ADGRL3: variants seen among roughly 807,000 people sequenced by gnomAD.
The protein encoded by ADGRL3 is adhesion G protein-coupled receptor L3.
ADGRL3 carries 62 observed loss-of-function variants against 153.5 expected under a neutral mutation model. The observed-to-expected ratio is 0.40, with a 90% CI of 0.33 to 0.50. ADGRL3 has a LOEUF of 0.50. Ranked by LOEUF, ADGRL3 falls within the 20% of genes least tolerant of loss-of-function variation. The pLI is 0.47. For missense variants in ADGRL3, 1,641 were observed against 1,859.4 expected, an observed-to-expected ratio of 0.88 and a Z score of 2.16; for synonymous variants, 710 against 672.5, an observed-to-expected ratio of 1.06 and a Z score of -0.86.
chr4:61,278,185 T>C (rs2093563751), intron 1 of ADGRL3, among the ~76,000 whole-genome samples: 1 of 152,184 alleles, frequency 6.6e-6, no homozygotes, highest in Non-Finnish European at 1.5e-5. Context: ...TGGCTGCCTA[T>C]AGTTATGTCA....
intron 1 of ADGRL3, among the ~76,000 whole-genome samples, chr4:61,279,343 G>A (rs1179356109): frequency 6.6e-6 from 1 of 152,100 alleles, no homozygotes; most frequent in African/African-American, 2.4e-5. Context: ...TACTAGTTTA[G>A]GTGAATGCTA....
intron 8 of ADGRL3, among the ~76,000 whole-genome samples, chr4:61,748,852 T>C (rs917312994): frequency 1.1e-4 from 16 of 151,350 alleles, no homozygotes; most frequent in Admixed American, 6.6e-4. Context: ...AAGCCAAAAT[T>C]GACAAATGGG....
intron 5 of ADGRL3, among the ~76,000 whole-genome samples, chr4:61,645,904 C>A (rs1484699769): frequency 6.6e-6 from 1 of 152,186 alleles, no homozygotes; most frequent in African/African-American, 2.4e-5. Context: ...TCCATTCTCC[C>A]CATCACTTTC....
intron 9 of ADGRL3, among the ~76,000 whole-genome samples, chr4:61,863,231 C>CTTTTTTTT (rs1189171329): frequency 2.3e-4 from 19 of 80,894 alleles, no homozygotes; most frequent in African/African-American, 4.5e-4. Flanking sequence ...GGGCATCATT[C>CTTTTTTTT]TTTTTTTTTT....
chr4:61,662,835 G>A (rs2094648282), intron 5 of ADGRL3, among the ~76,000 whole-genome samples: 1 of 152,166 alleles, frequency 6.6e-6, no homozygotes, highest in South Asian at 2.1e-4. Flanking sequence ...ACGATGGAAT[G>A]ACCTGCCTGT....
chr4:62,006,680 T>C (rs920165351), intron 21 of ADGRL3, among the ~76,000 whole-genome samples: 19 of 151,970 alleles, frequency 1.3e-4, no homozygotes, highest in African/African-American at 4.3e-4. Context: ...CAAATTATCC[T>C]GGTTTTCTAA....
At chr4:61,770,781 C>T (rs1234050437) in intron 8 of ADGRL3, among the ~76,000 whole-genome samples, 1 of 152,206 alleles carries the variant, frequency 6.6e-6, no homozygotes, top group Non-Finnish European at 1.5e-5. Context: ...TTTGCTACTT[C>T]ATATCGGAGA....
chr4:61,863,874 G>A lies in ADGRL3; in HGVS notation c.1481-28782G>A, dbSNP rs556266687. The stretch of plus-strand genomic sequence containing the variant: ...TCTTAGCAAAAGCTGATTTTTCAAA[G>A]GATATTTTAAGTATGCTCAATCAGG... On this transcript the variant is annotated intron_variant, in intron 9 of 26. Coordinates refer to ENST00000683033, the MANE Select transcript of ADGRL3 (RefSeq NM_001387552.1). Among the ~76,000 whole-genome samples the A allele has an allele frequency of 2.6e-4, 40 of 152,266 alleles. No homozygotes were observed. The East Asian group carries it at 7.4e-3, about 28-fold the overall frequency.
At chr4:61,469,533 G>C (rs1322655180) in intron 2 of ADGRL3, among the ~76,000 whole-genome samples, 1 of 151,966 alleles carries the variant, frequency 6.6e-6, no homozygotes, top group Non-Finnish European at 1.5e-5. Context: ...ATTCAAGTCT[G>C]TGTTTCCAGT....
intron 1 of ADGRL3, among the ~76,000 whole-genome samples, chr4:61,359,404 G>A (rs1483640209): frequency 6.6e-6 from 1 of 152,062 alleles, no homozygotes; most frequent in African/African-American, 2.4e-5. Flanking sequence ...CCAGAATTAG[G>A]ATTTAGCCCC....
chr4:61,828,789 A>G (rs185968233), intron 9 of ADGRL3, among the ~76,000 whole-genome samples: 2 of 152,328 alleles, frequency 1.3e-5, no homozygotes, highest in Admixed American at 1.3e-4. Context: ...ACGATGGCCT[A>G]CACTCACGCA....
chr4:61,629,082 A>G (rs907117085), intron 5 of ADGRL3, among the ~76,000 whole-genome samples: 5 of 152,192 alleles, frequency 3.3e-5, no homozygotes, highest in Admixed American at 3.3e-4. Flanking sequence ...TGCTTTGCAG[A>G]GAAGCAGGGT....
intron 1 of ADGRL3, among the ~76,000 whole-genome samples, chr4:61,225,628 C>A (rs1267425254): frequency 6.6e-6 from 1 of 152,146 alleles, no homozygotes; most frequent in Non-Finnish European, 1.5e-5. Flanking sequence ...CTTTGTTATT[C>A]ACTTTAGCAA....
chr4:62,028,798 C>G, intron 21 of ADGRL3, 57 bp from the exon 22 acceptor site: 1 of 1,447,050 alleles, frequency 6.9e-7, no homozygotes, highest in Non-Finnish European at 9.5e-7. Flanking sequence ...ATATGAAATT[C>G]TTTGTCATAA....
At chr4:61,403,871 T>TCC (rs1360112735) in intron 2 of ADGRL3, among the ~76,000 whole-genome samples, 3 of 151,906 alleles carry the variant, frequency 2.0e-5, no homozygotes, top group African/African-American at 7.2e-5. Context: ...GTGAGCAAAA[T>TCC]CCCCACACAT....
At chr4:61,751,827 A>G (rs572938233) in intron 8 of ADGRL3, among the ~76,000 whole-genome samples, 2 of 152,262 alleles carry the variant, frequency 1.3e-5, no homozygotes, top group East Asian at 1.9e-4. Context: ...TATGAGCAGG[A>G]TTGACAAAAT....
Position 62,044,457 on chromosome 4 carries a change from G to A in ADGRL3, c.3722G>A (p.Arg1241Gln), listed in dbSNP as rs143689172. ...TCTGCCTTTTCCCCCACCCAGAGCC[G>A]AATCCGTAGAATGTGGAATGACACG... ...PGRYSTGSQS[R>Q]IRRMWNDTVR... The change falls in exon 25 of 27, where the codon CGA (arginine) becomes CAA (glutamine). Residue 1241 changes from arginine to glutamine, a missense_variant. Physicochemically the swap from Arg to Gln is conservative, Grantham distance 43 (BLOSUM62 1). Transcript: ENST00000683033. The A allele has an allele frequency of 3.2e-6, 5 of 1,585,132 alleles. No homozygotes were observed. The highest frequency in any genetic ancestry group is 2.3e-5 in the East Asian group (1 of 43,384).
At chr4:61,632,751 A>G (rs527681261) in intron 5 of ADGRL3, among the ~76,000 whole-genome samples, 7 of 152,284 alleles carry the variant, frequency 4.6e-5, no homozygotes, top group Non-Finnish European at 8.8e-5. Flanking sequence ...AATACATATT[A>G]CCAGTATATT....
chr4:61,743,324 CAAAAA>C (rs752363213), intron 8 of ADGRL3, among the ~76,000 whole-genome samples: 4 of 50,854 alleles, frequency 7.9e-5, no homozygotes, highest in South Asian at 9.7e-4. Context: ...GACTCCATCT[CAAAAA>C]AAAAAAAAAA....
Sources: gnomAD v4.1 joint callset for allele counts (sites outside exome capture counted in the v4.1 genomes callset) on GRCh38, gnomAD v4.1.1 for gene constraint, MANE v1.5 for transcripts, NCBI Gene and HGNC (gene_info 2026-07-23, HGNC 2026-07-21) for gene names.